SCAND3: variants seen among roughly 807,000 people sequenced by gnomAD.
The protein encoded by SCAND3 is SCAN domain containing 3.
the SCAND3 span, among the ~76,000 whole-genome samples, chr6:28,588,403 A>T: frequency 6.8e-6 from 1 of 146,576 alleles, no homozygotes; most frequent in East Asian, 1.9e-4. The surrounding 1 kb of genome is among the most constrained non-coding windows in gnomAD (Gnocchi z 4.1). Context: ...TTTACTGACG[A>T]GCCTTACTGT....
At chr6:28,591,585 T>C in the SCAND3 span, 1 of 152,210 alleles carries the variant, frequency 6.6e-6, no homozygotes, top group Non-Finnish European at 1.5e-5. Context: ...TTTCCACCCT[T>C]GATATCTAAT....
the SCAND3 span, among the ~76,000 whole-genome samples, chr6:28,614,587 C>T: frequency 1.3e-5 from 2 of 152,260 alleles, no homozygotes; most frequent in East Asian, 3.9e-4. Flanking sequence ...GTCTCAGCCT[C>T]CCAAGTAGCT....
At chr6:28,575,023 A>G in the SCAND3 span, 10 of 1,613,928 alleles carry the variant, frequency 6.2e-6, no homozygotes, top group Middle Eastern at 1.6e-4. The surrounding 1 kb of genome is among the most constrained non-coding windows in gnomAD (Gnocchi z 4.2). Flanking sequence ...CTGGGCTCTT[A>G]AAGTATTTTC....
the SCAND3 span, chr6:28,575,349 A>G: frequency 1.9e-6 from 3 of 1,614,084 alleles, no homozygotes; most frequent in Non-Finnish European, 1.7e-6. The surrounding 1 kb of genome is among the most constrained non-coding windows in gnomAD (Gnocchi z 4.2). Context: ...CTGGCCAAAT[A>G]TTACTGAGTT....
chr6:28,577,285 G>T, the SCAND3 span, among the ~76,000 whole-genome samples: 1 of 152,102 alleles, frequency 6.6e-6, no homozygotes, highest in Non-Finnish European at 1.5e-5. Context: ...TAATAATTTG[G>T]AATTAGCATA....
At chr6:28,576,035 C>G in the SCAND3 span, 1 of 1,613,704 alleles carries the variant, frequency 6.2e-7, no homozygotes, top group Non-Finnish European at 8.5e-7. Flanking sequence ...AAGAACTTTT[C>G]TCTCATGTTT....
At chr6:28,594,046 T>C in the SCAND3 span, among the ~76,000 whole-genome samples, 1 of 152,158 alleles carries the variant, frequency 6.6e-6, no homozygotes, top group South Asian at 2.1e-4. Context: ...TGACAAAATC[T>C]TTTTTATAAA....
chr6:28,607,816 C>T, the SCAND3 span, among the ~76,000 whole-genome samples: 1 of 152,184 alleles, frequency 6.6e-6, no homozygotes, highest in African/African-American at 2.4e-5. Flanking sequence ...AACTACTGTC[C>T]TTTTGCTGAA....
the SCAND3 span, chr6:28,593,791 A>T: frequency 6.6e-6 from 1 of 152,062 alleles, no homozygotes; most frequent in African/African-American, 2.4e-5. Context: ...CTCAGCCTCA[A>T]CCTCCTGGGC....
chr6:28,575,210 A>G, the SCAND3 span: 6 of 1,614,056 alleles, frequency 3.7e-6, no homozygotes, highest in East Asian at 1.3e-4. This position sits in a 1 kb window ranked among gnomAD's most constrained non-coding sequence, Gnocchi z 4.2. Context: ...ATGAACCACA[A>G]AAATTCAGTC....
chr6:28,586,358 T>G, the SCAND3 span: 1 of 1,614,038 alleles, frequency 6.2e-7, no homozygotes, highest in East Asian at 2.2e-5. The surrounding 1 kb of genome is among the most constrained non-coding windows in gnomAD (Gnocchi z 4.4). Context: ...CCACCTCTTC[T>G]CCACTCTCAG....
chr6:28,595,330 C>CAAAAAAAAAAAAAAAA, the SCAND3 span, among the ~76,000 whole-genome samples: 4 of 37,332 alleles, frequency 1.1e-4, no homozygotes, highest in African/African-American at 1.8e-4. Context: ...AACCCAGTCT[C>CAAAAAAAAAAAAAAAA]AAAAAAAAAA....
At chr6:28,576,459 C>T in the SCAND3 span, among the ~76,000 whole-genome samples, 10 of 152,014 alleles carry the variant, frequency 6.6e-5, no homozygotes, top group African/African-American at 2.2e-4. Flanking sequence ...GGGGTTTCAC[C>T]ATGTTGGCCA....
the SCAND3 span, among the ~76,000 whole-genome samples, chr6:28,582,115 T>A: frequency 2.6e-5 from 4 of 152,338 alleles, no homozygotes; most frequent in Non-Finnish European, 4.4e-5. This position sits in a 1 kb window ranked among gnomAD's most constrained non-coding sequence, Gnocchi z 4.8. Context: ...AGAAGCTACA[T>A]TTTTCAACAA....
the SCAND3 span, among the ~76,000 whole-genome samples, chr6:28,595,546 AC>A: frequency 1.3e-5 from 2 of 151,738 alleles, no homozygotes; most frequent in African/African-American, 4.8e-5. Context: ...ACATGGCGAG[AC>A]CCCGTCTCTA....
chr6:28,608,806 C>A, the SCAND3 span, among the ~76,000 whole-genome samples: 1 of 151,538 alleles, frequency 6.6e-6, no homozygotes, highest in Non-Finnish European at 1.5e-5. Context: ...CTAGACCAGC[C>A]TGGGCAACAT....
At chr6:28,596,270 A>AT in the SCAND3 span, among the ~76,000 whole-genome samples, 1 of 152,350 alleles carries the variant, frequency 6.6e-6, no homozygotes, top group South Asian at 2.1e-4. Flanking sequence ...TTGGGATACA[A>AT]TGCATCCTTA....
the SCAND3 span, among the ~76,000 whole-genome samples, chr6:28,588,867 G>A: frequency 6.6e-6 from 1 of 152,182 alleles, no homozygotes; most frequent in Non-Finnish European, 1.5e-5. The surrounding 1 kb of genome is among the most constrained non-coding windows in gnomAD (Gnocchi z 4.1). Context: ...GATGTTTATC[G>A]TGAGTCTCGC....
the SCAND3 span, among the ~76,000 whole-genome samples, chr6:28,609,070 G>A: frequency 6.6e-6 from 1 of 152,100 alleles, no homozygotes; most frequent in East Asian, 1.9e-4. Flanking sequence ...GGTATTTTGG[G>A]ATCAAATACA....
Sources: allele counts gnomAD v4.1 joint callset (sites outside exome capture counted in the v4.1 genomes callset), GRCh38; gene constraint gnomAD v4.1.1; non-coding constraint Gnocchi (gnomAD v3.1); transcripts MANE v1.5; gene names NCBI Gene and HGNC (gene_info 2026-07-23, HGNC 2026-07-21).